CETP: variants seen among roughly 807,000 people sequenced by gnomAD.
CETP encodes cholesteryl ester transfer protein.
CETP carries 56 observed loss-of-function variants against 66.5 expected under a neutral mutation model. The ratio of observed to expected loss-of-function variants is 0.84; its 90% CI spans 0.68 to 1.05. CETP has a LOEUF of 1.05. Among genes scored for constraint, CETP ranks in the 50% least tolerant of loss-of-function variants. CETP has a pLI of 0.00. For missense variants in CETP, 612 were observed against 609.6 expected (o/e 1.00, Z -0.04); for synonymous variants, 251 against 245.7 (o/e 1.02, Z -0.20).
intron 11 of CETP, 57 bp from the exon 12 acceptor site, chr16:56,981,101 T>C: frequency 7.7e-7 from 1 of 1,291,794 alleles, no homozygotes; most frequent in Non-Finnish European, 1.1e-6. Context: ...GCTAGGAGGG[T>C]TGCTCTCTGC....
rs1254536130 is a variant in CETP at position 56,972,045 on chromosome 16, C to A, written c.712C>A (p.Pro238Thr). 6.2e-7 allele frequency: 1 copy of A among 1,614,058 alleles called. No homozygotes were observed. The highest frequency in any genetic ancestry group is 8.5e-7 in the Non-Finnish European group (1 of 1,180,028). The change falls in exon 8 of 16, where the codon CCC becomes ACC. Residue 238 changes from proline (P) to threonine (T), a missense_variant. Coordinates refer to ENST00000200676, the MANE Select transcript of CETP (RefSeq NM_000078.3). ...GGTGGACATTTCCCTGACAGGTGAT[C>A]CCGTCATCACAGCCTCCTACCTGGA... ...IGVDISLTGDPVITASYLESH... is the reference protein window; with the variant it reads ...IGVDISLTGDTVITASYLESH...
At position 56,970,021 on chromosome 16, in the gene CETP, G is replaced by A. The variant is rs2056098624; in HGVS notation, c.527+20G>A. ...GCGAGAGTAAGTACACCACCCTGTGGCCCCCATTCCTGCTCGTGCCCATCC... is the reference window on the plus strand; with the variant it reads ...GCGAGAGTAAGTACACCACCCTGTGACCCCCATTCCTGCTCGTGCCCATCC... On this transcript the variant is annotated intron_variant, in intron 5 of 15. Coordinates refer to ENST00000200676, the MANE Select transcript of CETP (RefSeq NM_000078.3). The A allele has an allele frequency of 6.2e-7, 1 of 1,608,646 alleles. No individual in the cohort carries two copies. The highest frequency in any genetic ancestry group is 1.7e-5 in the Admixed American group (1 of 59,756).
rs1395229966 is a variant in CETP at position 56,981,643 on chromosome 16, TCAGGATTACAC to T, written c.1215-1_1224del. On this transcript the variant is annotated splice_acceptor_variant and splice_polypyrimidine_tract_variant and coding_sequence_variant and intron_variant, in exon 13 of 16. Coordinates refer to ENST00000200676, the MANE Select transcript of CETP (RefSeq NM_000078.3). LOFTEE classifies it high-confidence loss of function. ...GTCAAATTATCATCGCTTTTTTATTTCAGGATTACACCAAAGACTGTTTCCAACTTGACTGA... is the reference window on the plus strand; with the variant it reads ...GTCAAATTATCATCGCTTTTTTATTTCAAAGACTGTTTCCAACTTGACTGA... 8 of 1,613,962 alleles carry T rather than the reference TCAGGATTACAC, an allele frequency of 5.0e-6. No individual in the cohort carries two copies. The highest frequency in any genetic ancestry group is 6.8e-6 in the Non-Finnish European group (8 of 1,179,812).
intron 8 of CETP, among the ~76,000 whole-genome samples, chr16:56,972,954 T>A (rs1487849628): frequency 6.6e-6 from 1 of 152,088 alleles, no homozygotes; most frequent in Non-Finnish European, 1.5e-5. Context: ...TTTTCCTGAT[T>A]TTGGCCTCCA....
rs1567474940 is a variant in CETP, at chr16:56,978,261, G to A, written c.1146+6G>A. 3 of 1,614,068 alleles carry A rather than the reference G, an allele frequency of 1.9e-6. No homozygotes were observed. In the South Asian group the frequency reaches 3.3e-5, roughly 18 times the overall value. On this transcript the variant is annotated splice_donor_region_variant and intron_variant, in intron 11 of 15. Coordinates refer to ENST00000200676, the MANE Select transcript of CETP (RefSeq NM_000078.3). ...TAGCTTACACATTTGAAGAGGTGAG[G>A]CGGGTGCAGGGAGAGGTGGTGGTGG...
chr16:56,975,076 C>A, intron 9 of CETP, 25 bp from the exon 10 acceptor site: 2 of 1,613,406 alleles, frequency 1.2e-6, no homozygotes, highest in South Asian at 2.2e-5. Flanking sequence ...TCCACCCACC[C>A]TCCAACTTCC....
intron 5 of CETP, among the ~76,000 whole-genome samples, chr16:56,970,809 G>A (rs531105393): frequency 4.5e-4 from 68 of 152,318 alleles, no homozygotes; most frequent in Admixed American, 3.7e-3. Context: ...AGGTGTGAGC[G>A]TCACAGGAGC....
intron 5 of CETP, 51 bp from the exon 6 acceptor site, chr16:56,970,982 A>C (rs747624840): frequency 6.4e-7 from 1 of 1,572,726 alleles, no homozygotes; most frequent in South Asian, 1.1e-5. Flanking sequence ...TAGGCGCTCC[A>C]TGGATGCACA....
At chr16:56,970,757 A>G (rs181160196) in intron 5 of CETP, among the ~76,000 whole-genome samples, 15 of 152,336 alleles carry the variant, frequency 9.8e-5, no homozygotes, top group Admixed American at 9.1e-4. Context: ...AGACGGATAC[A>G]TGTATGAATT....
At chr16:56,963,778 C>G (rs1373701853) in intron 2 of CETP, among the ~76,000 whole-genome samples, 1 of 150,500 alleles carries the variant, frequency 6.6e-6, no homozygotes, top group African/African-American at 2.4e-5. Flanking sequence ...AAGGAATTTT[C>G]GTGCCTCAGC....
rs13306229 is a variant in CETP at position 56,977,884 on chromosome 16, T to A, written c.982-207T>A. Among the ~76,000 whole-genome samples the A allele has an allele frequency of 9.2e-5, 14 of 152,266 alleles. No individual in the cohort carries two copies. The East Asian group carries it at 2.7e-3, about 29-fold the overall frequency. ...AGAGGAGTTCAGGGTAGGAATAGCT[T>A]CACTAGCACACAGATGAGAAACTGA... On this transcript the variant is annotated intron_variant, in intron 10 of 15. Transcript: ENST00000200676.
chr16:56,972,415 C>G (rs1018445369), intron 8 of CETP, among the ~76,000 whole-genome samples: 1 of 152,212 alleles, frequency 6.6e-6, no homozygotes, highest in African/African-American at 2.4e-5. Flanking sequence ...CTGACAAAAG[C>G]TTTGGACCCT....
intron 11 of CETP, among the ~76,000 whole-genome samples, chr16:56,980,582 T>C (rs1261759820): frequency 6.6e-6 from 1 of 152,250 alleles, no homozygotes; most frequent in Non-Finnish European, 1.5e-5. Flanking sequence ...TTTTATTTAC[T>C]TATTTTTTTG....
chr16:56,973,419 T>C lies in CETP; in HGVS notation c.839T>C (p.Phe280Ser). 3.7e-6 allele frequency: 6 copies of C among 1,614,202 alleles called. No homozygotes were observed. The highest frequency in any genetic ancestry group is 5.1e-6 in the Non-Finnish European group (6 of 1,180,032). Residue 280 changes from phenylalanine (F) to serine (S), a missense_variant, in exon 9 of 16, where the codon TTC becomes TCC. By Grantham distance (155) the Phe-to-Ser change is radical (BLOSUM62 -2). Transcript: ENST00000200676. ...TLLGDSRMLYFWFSERVFHSL... is the reference protein window; with the variant it reads ...TLLGDSRMLYSWFSERVFHSL... ...CTGGGGGACTCCCGCATGCTGTACT[T>C]CTGGTTCTCTGAGCGAGTCTTCCAC...
At chr16:56,981,580 T>C in intron 12 of CETP, 67 bp from the exon 13 acceptor site, 1 of 1,559,840 alleles carries the variant, frequency 6.4e-7, no homozygotes, top group Non-Finnish European at 8.8e-7. Context: ...TTAGAGTTTC[T>C]TTCCCAGGGG....
chr16:56,980,449 G>A (rs901629197), intron 11 of CETP, among the ~76,000 whole-genome samples: 4 of 152,102 alleles, frequency 2.6e-5, no homozygotes, highest in Non-Finnish European at 4.4e-5. Flanking sequence ...TGGGATTATA[G>A]GCATGAGCCA....
At chr16:56,965,431 T>C (rs1379366258) in intron 2 of CETP, among the ~76,000 whole-genome samples, 1 of 149,798 alleles carries the variant, frequency 6.7e-6, no homozygotes, top group Non-Finnish European at 1.5e-5. Context: ...AAGCCAGATA[T>C]ATGTGGATTC....
intron 2 of CETP, among the ~76,000 whole-genome samples, chr16:56,965,867 G>A (rs989243827): frequency 1.5e-4 from 14 of 91,726 alleles, no homozygotes; most frequent in African/African-American, 5.5e-4. Flanking sequence ...AGTCCCCGGC[G>A]GCACAGGCAG....
intron 5 of CETP, among the ~76,000 whole-genome samples, chr16:56,970,539 AC>A (rs1243522265): frequency 6.6e-6 from 1 of 152,010 alleles, no homozygotes; most frequent in Non-Finnish European, 1.5e-5. Flanking sequence ...TAGATACTTT[AC>A]TCTCCTGCTT....
Sources: allele counts gnomAD v4.1 joint callset (sites outside exome capture counted in the v4.1 genomes callset), GRCh38; gene constraint gnomAD v4.1.1; transcripts MANE v1.5; gene names NCBI Gene and HGNC (gene_info 2026-07-23, HGNC 2026-07-21).